The following MAGI1 variants were observed in gnomAD, a reference collection of about 807,000 sequenced individuals.
MAGI1 encodes the protein membrane associated guanylate kinase, WW and PDZ domain containing 1.
Under a neutral mutation model 139.9 loss-of-function variants are expected in MAGI1, and 58 were observed. The observed-to-expected ratio is 0.41, with a 90% confidence interval of 0.34 to 0.52. MAGI1 has a LOEUF of 0.52. MAGI1 is among the 20% of genes least tolerant of loss of function. The probability of loss-of-function intolerance (pLI) is 0.12; values close to 1 mark genes in which losing one functional copy is unlikely to be tolerated. For synonymous variants in MAGI1, 812 were observed against 737.9 expected, an observed-to-expected ratio of 1.10 and a Z score of -1.63; for missense variants, 1,874 against 1,901.6, an observed-to-expected ratio of 0.99 and a Z score of 0.27.
chr3:65,469,506 A>G (rs1830020), intron 5 of MAGI1, among the ~76,000 whole-genome samples: 85,559 of 150,992 alleles, frequency 0.57, 25,207 homozygotes, highest in East Asian at 0.95. Context: ...CTTTTCAGAA[A>G]AGCTAGTATT....
intron 1 of MAGI1, among the ~76,000 whole-genome samples, chr3:66,009,683 A>G (rs1452608623): frequency 1.3e-5 from 2 of 152,156 alleles, no homozygotes; most frequent in African/African-American, 4.8e-5. Flanking sequence ...AACTTAACAC[A>G]TAGTAGGTGT....
Position 65,516,626 on chromosome 3 carries a change from C to T in MAGI1, c.431-22995G>A, listed in dbSNP as rs181134450. Among the ~76,000 whole-genome samples the T allele has an allele frequency of 3.2e-4, 48 of 151,794 alleles. 1 individual carries two copies. The highest frequency in any genetic ancestry group is 5.9e-4 in the Admixed American group (9 of 15,232). On this transcript the variant is annotated intron_variant, in intron 2 of 22. Coordinates refer to ENST00000402939, the MANE Select transcript of MAGI1 (RefSeq NM_001033057.2). ...CTGCAAGTACTTTGTACTCTCTTTT[C>T]CCCTAAAACCTTATCACAATCATGA... is the stretch of plus-strand genomic sequence containing the variant.
intron 1 of MAGI1, among the ~76,000 whole-genome samples, chr3:65,686,175 A>G (rs1450415831): frequency 6.6e-6 from 1 of 152,162 alleles, no homozygotes; most frequent in East Asian, 1.9e-4. Context: ...AGAAGCAGTC[A>G]TATCACACCT....
chr3:65,397,533 T>C (rs1056179221), intron 13 of MAGI1, among the ~76,000 whole-genome samples: 9 of 150,472 alleles, frequency 6.0e-5, no homozygotes, highest in Non-Finnish European at 1.2e-4. Flanking sequence ...TGTAGGATTT[T>C]TTTTTTTTTT....
At chr3:65,371,479 G>A (rs1272223214) in intron 18 of MAGI1, among the ~76,000 whole-genome samples, 1 of 152,112 alleles carries the variant, frequency 6.6e-6, no homozygotes, top group African/African-American at 2.4e-5. Flanking sequence ...TTTTGCTGAT[G>A]GAGGGTCTTG....
chr3:65,695,070 G>T (rs1488760664), intron 1 of MAGI1, among the ~76,000 whole-genome samples: 3 of 152,096 alleles, frequency 2.0e-5, no homozygotes, highest in Admixed American at 2.0e-4. Flanking sequence ...AGGGAAGAAG[G>T]TCCCCAAATT....
intron 13 of MAGI1, among the ~76,000 whole-genome samples, chr3:65,399,739 T>C (rs950091125): frequency 1.3e-5 from 2 of 152,246 alleles, no homozygotes; most frequent in Non-Finnish European, 2.9e-5. Flanking sequence ...TTAACTGACT[T>C]GGTGAATGCA....
intron 1 of MAGI1, among the ~76,000 whole-genome samples, chr3:65,760,685 G>T (rs2036947492): frequency 6.6e-6 from 1 of 152,126 alleles, no homozygotes; most frequent in Admixed American, 6.5e-5. Flanking sequence ...AGGGTTACAG[G>T]CACGAGCCAC....
At chr3:65,668,433 C>T (rs1390954238) in intron 1 of MAGI1, among the ~76,000 whole-genome samples, 1 of 151,578 alleles carries the variant, frequency 6.6e-6, no homozygotes, top group African/African-American at 2.4e-5. Flanking sequence ...ATCATATTTT[C>T]AAAAAGTTTG....
chr3:65,823,267 A>T (rs2042046122), intron 1 of MAGI1, among the ~76,000 whole-genome samples: 1 of 152,194 alleles, frequency 6.6e-6, no homozygotes, highest in South Asian at 2.1e-4. Flanking sequence ...AAAGTGGATG[A>T]CGGTACAATG....
At position 65,567,713 on chromosome 3, in the gene MAGI1, G is replaced by A. The variant is rs1297599062; in HGVS notation, c.430+54259C>T. Among the ~76,000 whole-genome samples the A allele has an allele frequency of 3.3e-5, 5 of 152,056 alleles. No homozygotes were observed. The East Asian group carries it at 7.7e-4, about 24-fold the overall frequency. ...TAGCTGGGCGTGGCAGCACACACTT[G>A]TAATCCTAGCTACTTGGGAGGCTGA... On this transcript the variant is annotated intron_variant, in intron 2 of 22. Coordinates refer to ENST00000402939, the MANE Select transcript of MAGI1 (RefSeq NM_001033057.2).
At chr3:65,476,141 T>C (rs1241097375) in intron 4 of MAGI1, among the ~76,000 whole-genome samples, 2 of 152,102 alleles carry the variant, frequency 1.3e-5, no homozygotes, top group African/African-American at 2.4e-5. Context: ...CACATACTTA[T>C]GGACTGGGTA....
At chr3:65,910,612 A>G (rs1170273975) in intron 1 of MAGI1, among the ~76,000 whole-genome samples, 1 of 152,164 alleles carries the variant, frequency 6.6e-6, no homozygotes, top group Non-Finnish European at 1.5e-5. Flanking sequence ...ATCTGAGAAA[A>G]GAGTCACTAC....
At position 65,665,550 on chromosome 3, in the gene MAGI1, T is replaced by C. The variant is rs549281144; in HGVS notation, c.314-43462A>G. On this transcript the variant is annotated intron_variant, in intron 1 of 22. Transcript: ENST00000402939. ...ACATTAAAGTGTCATTAAACAGAAA[T>C]ACAAGTAAGATACAATTATGTATTG... Among the ~76,000 whole-genome samples, 20 of 152,282 alleles carry C rather than the reference T, an allele frequency of 1.3e-4. No individual in the cohort carries two copies. In the East Asian group the frequency reaches 3.3e-3, roughly 25 times the overall value.
In MAGI1 at chr3:65,757,459, G is replaced by A. The variant is rs188332155; in HGVS notation, c.314-135371C>T. ...TCAAGACCAGCCTGGCCAACATGGC[G>A]AAATCCCATCTCTACTAAAAATACA... On this transcript the variant is annotated intron_variant, in intron 1 of 22. Coordinates refer to ENST00000402939, the MANE Select transcript of MAGI1 (RefSeq NM_001033057.2). Among the ~76,000 whole-genome samples the A allele has an allele frequency of 5.8e-3, 877 of 152,216 alleles. 7 individuals carry two copies. The Middle Eastern group carries it at 0.061, about 11-fold the overall frequency.
intron 1 of MAGI1, among the ~76,000 whole-genome samples, chr3:65,847,316 G>T (rs936362511): frequency 2.0e-5 from 3 of 152,166 alleles, no homozygotes; most frequent in Non-Finnish European, 2.9e-5. Context: ...AATTGTTAAG[G>T]GTATCCTGGA....
At chr3:65,581,070 C>T (rs1488716138) in intron 2 of MAGI1, among the ~76,000 whole-genome samples, 1 of 152,120 alleles carries the variant, frequency 6.6e-6, no homozygotes, top group Admixed American at 6.5e-5. Context: ...TCAAAAATAT[C>T]TACACACCCT....
intron 2 of MAGI1, among the ~76,000 whole-genome samples, chr3:65,564,607 A>G (rs1402787195): frequency 3.3e-5 from 5 of 152,244 alleles, no homozygotes; most frequent in African/African-American, 1.2e-4. Context: ...TAAAAATAGT[A>G]GGCCATGCAG....
intron 1 of MAGI1, among the ~76,000 whole-genome samples, chr3:65,744,396 G>T (rs1255200342): frequency 6.6e-6 from 1 of 152,138 alleles, no homozygotes; most frequent in Non-Finnish European, 1.5e-5. Flanking sequence ...AGTATAACTG[G>T]CACATAGCAA....
Sources: gnomAD v4.1 joint callset for allele counts (sites outside exome capture counted in the v4.1 genomes callset) on GRCh38, gnomAD v4.1.1 for gene constraint, MANE v1.5 for transcripts, NCBI Gene and HGNC (gene_info 2026-07-23, HGNC 2026-07-21) for gene names.